KCTD8: variants seen among roughly 807,000 people sequenced by gnomAD.
The protein encoded by KCTD8 is potassium channel tetramerization domain containing 8.
A neutral mutation model predicts 31.5 loss-of-function variants in KCTD8; 27 were observed. The observed-to-expected ratio is 0.86, with a 90% CI of 0.63 to 1.18. The LOEUF (loss-of-function observed/expected upper bound fraction) is 1.18, where lower values mean the gene tolerates loss of function less well. KCTD8 is among the 50% of genes most tolerant of loss of function. KCTD8 has a pLI of 0.00. For missense variants in KCTD8, 658 were observed against 647.7 expected (o/e 1.02, Z -0.17); for synonymous variants, 290 against 280.0 (o/e 1.04, Z -0.36).
At chr4:44,360,163 T>C (rs1349587743) in intron 1 of KCTD8, among the ~76,000 whole-genome samples, 1 of 151,962 alleles carries the variant, frequency 6.6e-6, no homozygotes, top group Non-Finnish European at 1.5e-5. Context: ...TAAAGAGGAA[T>C]ATATGAAAAA....
At chr4:44,302,110 T>G (rs772411944) in intron 1 of KCTD8, among the ~76,000 whole-genome samples, 20 of 152,168 alleles carry the variant, frequency 1.3e-4, no homozygotes, top group East Asian at 1.2e-3. Flanking sequence ...ATGCTGTTTT[T>G]GTTACTGTAG....
intron 1 of KCTD8, among the ~76,000 whole-genome samples, chr4:44,390,162 T>C (rs1377556840): frequency 2.6e-5 from 4 of 152,158 alleles, no homozygotes; most frequent in African/African-American, 9.6e-5. Context: ...TATTTATTAC[T>C]GTTTTTGTTG....
intron 1 of KCTD8, among the ~76,000 whole-genome samples, chr4:44,444,119 A>G (rs1434948156): frequency 6.6e-6 from 1 of 152,158 alleles, no homozygotes; most frequent in Non-Finnish European, 1.5e-5. Context: ...GCTGATATTA[A>G]AGTTTAATAG....
chr4:44,318,867 A>G (rs1192155306), intron 1 of KCTD8, among the ~76,000 whole-genome samples: 1 of 152,250 alleles, frequency 6.6e-6, no homozygotes, highest in African/African-American at 2.4e-5. Flanking sequence ...GCCTTGAGAC[A>G]GAAAGGAGAT....
intron 1 of KCTD8, among the ~76,000 whole-genome samples, chr4:44,419,693 G>A (rs1409661509): frequency 6.6e-6 from 1 of 151,826 alleles, no homozygotes; most frequent in Non-Finnish European, 1.5e-5. Flanking sequence ...ACATACCGGG[G>A]CCTGTCGGGG....
chr4:44,251,301 T>G (rs1203327549), intron 1 of KCTD8, among the ~76,000 whole-genome samples: 1 of 151,682 alleles, frequency 6.6e-6, no homozygotes, highest in Non-Finnish European at 1.5e-5. Flanking sequence ...ACTTGTCTAT[T>G]TTTGTCCCTT....
chr4:44,329,833 A>G (rs1718548891), intron 1 of KCTD8, among the ~76,000 whole-genome samples: 2 of 152,028 alleles, frequency 1.3e-5, no homozygotes, highest in Admixed American at 1.3e-4. Flanking sequence ...TCTTTTTCAC[A>G]TAAAATTTAA....
intron 1 of KCTD8, among the ~76,000 whole-genome samples, chr4:44,204,105 A>C (rs2109340590): frequency 6.6e-6 from 1 of 152,214 alleles, no homozygotes; most frequent in South Asian, 2.1e-4. Flanking sequence ...TAATATAATT[A>C]CCACAATAGT....
intron 1 of KCTD8, among the ~76,000 whole-genome samples, chr4:44,336,173 A>G (rs113387191): frequency 0.2 from 28,185 of 139,002 alleles, 3,659 homozygotes; most frequent in Non-Finnish European, 0.28. Context: ...AAAAAAAAAA[A>G]AAAGAAAAAA....
intron 1 of KCTD8, among the ~76,000 whole-genome samples, chr4:44,177,188 A>T (rs1336398979): frequency 6.6e-6 from 1 of 152,126 alleles, no homozygotes; most frequent in Non-Finnish European, 1.5e-5. Context: ...ACAGTGGCTG[A>T]TGGGTACAGA....
intron 1 of KCTD8, among the ~76,000 whole-genome samples, chr4:44,189,783 T>C (rs1201064345): frequency 6.6e-6 from 1 of 152,202 alleles, no homozygotes; most frequent in Admixed American, 6.5e-5. Flanking sequence ...TTCAAAAAAA[T>C]CATGTCAAAA....
At chr4:44,293,489 T>C in intron 1 of KCTD8, 2 of 453,654 alleles carry the variant, frequency 4.4e-6, no homozygotes, top group South Asian at 3.1e-5. Context: ...TATTCAAACC[T>C]AGAGGTAGCA....
intron 1 of KCTD8, among the ~76,000 whole-genome samples, chr4:44,416,325 GAGTT>G (rs1374130804): frequency 6.6e-6 from 1 of 152,152 alleles, no homozygotes; most frequent in Admixed American, 6.5e-5. Context: ...TCTCAGATAA[GAGTT>G]AGGACTTTGG....
In KCTD8 at chr4:44,315,415, A is replaced by C. The variant is rs529063921; in HGVS notation, c.961+132148T>G. Among the ~76,000 whole-genome samples, 146 of 152,210 alleles carry C rather than the reference A, an allele frequency of 9.6e-4. 1 individual carries two copies. The South Asian group carries it at 0.011, about 11-fold the overall frequency. On this transcript the variant is annotated intron_variant, in intron 1 of 1. Coordinates refer to ENST00000360029, the MANE Select transcript of KCTD8 (RefSeq NM_198353.3). The stretch of plus-strand genomic sequence containing the variant: ...AGGTTAAACCACAGTGCATAATTTA[A>C]CATGTGATTATGAAAACATTATGTA...
chr4:44,230,768 C>A (rs887755099), intron 1 of KCTD8, among the ~76,000 whole-genome samples: 1 of 152,100 alleles, frequency 6.6e-6, no homozygotes, highest in Non-Finnish European at 1.5e-5. Flanking sequence ...TGGAGTAATT[C>A]TTGAGCCAAA....
At chr4:44,378,836 T>C (rs1719987214) in intron 1 of KCTD8, among the ~76,000 whole-genome samples, 1 of 152,164 alleles carries the variant, frequency 6.6e-6, no homozygotes, top group Non-Finnish European at 1.5e-5. Context: ...TGTATAGTTC[T>C]GGAGGTCAGA....
rs573889723 is a variant in KCTD8 at position 44,423,825 on chromosome 4, T to C, written c.961+23738A>G. Among the ~76,000 whole-genome samples the C allele has an allele frequency of 3.3e-5, 5 of 152,264 alleles. No homozygotes were observed. The South Asian group carries it at 1.0e-3, about 31-fold the overall frequency. ...ATACACTTCCCATTCTGAAGTTACA[T>C]ACTAAAGTTTTATCTGAAAAGATTT... On this transcript the variant is annotated intron_variant, in intron 1 of 1. Transcript: ENST00000360029.
chr4:44,275,636 T>C (rs751992971), intron 1 of KCTD8, among the ~76,000 whole-genome samples: 11 of 152,086 alleles, frequency 7.2e-5, no homozygotes, highest in Non-Finnish European at 1.3e-4. Flanking sequence ...CTACAAAGTA[T>C]AATCTTAAAA....
rs62304850 is a variant in KCTD8 at position 44,333,126 on chromosome 4, A to G, written c.961+114437T>C. On this transcript the variant is annotated intron_variant, in intron 1 of 1. Transcript: ENST00000360029. ...CTGATCACACTAGTTCCTTCATTATAATCATAGGGAGACAGTGCAATGAAT... is the reference window on the plus strand; with the variant it reads ...CTGATCACACTAGTTCCTTCATTATGATCATAGGGAGACAGTGCAATGAAT... 2.4e-3 allele frequency among the ~76,000 whole-genome samples: 372 copies of G among 152,190 alleles called. 1 individual carries two copies. Among genetic ancestry groups the G allele is most frequent in the Non-Finnish European group, 4.2e-3 (283 of 67,944 alleles).
Sources: allele counts gnomAD v4.1 joint callset (sites outside exome capture counted in the v4.1 genomes callset), GRCh38; gene constraint gnomAD v4.1.1; transcripts MANE v1.5; gene names NCBI Gene and HGNC (gene_info 2026-07-23, HGNC 2026-07-21).